NPAS3: variants seen among roughly 807,000 people sequenced by gnomAD.
The protein encoded by NPAS3 is neuronal PAS domain-containing protein 3.
Under a neutral mutation model 73.1 loss-of-function variants are expected in NPAS3, and 14 were observed. That is an observed-to-expected ratio of 0.19 (90% CI 0.13 to 0.30). The LOEUF is 0.30. NPAS3 is among the 10% of genes least tolerant of loss of function. The pLI, the probability that NPAS3 is intolerant of heterozygous loss-of-function variation, is 1.00. For missense variants in NPAS3, 1,096 were observed against 1,250.0 expected, an observed-to-expected ratio of 0.88 and a Z score of 1.86; for synonymous variants, 620 against 541.5, an observed-to-expected ratio of 1.14 and a Z score of -2.01.
chr14:33,232,795 A>G (rs973076167), intron 3 of NPAS3, among the ~76,000 whole-genome samples: 6 of 152,222 alleles, frequency 3.9e-5, no homozygotes, highest in African/African-American at 7.2e-5. Flanking sequence ...GAACAGTAGT[A>G]ACATTTTAAA....
chr14:32,999,318 T>C (rs2038712238), intron 1 of NPAS3, among the ~76,000 whole-genome samples: 1 of 152,156 alleles, frequency 6.6e-6, no homozygotes, highest in Non-Finnish European at 1.5e-5. Flanking sequence ...GAGACCATCC[T>C]GGCTAACACG....
At chr14:33,659,683 A>C (rs1316279614) in intron 5 of NPAS3, among the ~76,000 whole-genome samples, 3 of 152,160 alleles carry the variant, frequency 2.0e-5, no homozygotes, top group Non-Finnish European at 2.9e-5. Context: ...AATTCTACTA[A>C]TAGTTTACTA....
At chr14:33,446,948 A>G (rs1204602255) in intron 4 of NPAS3, among the ~76,000 whole-genome samples, 1 of 152,258 alleles carries the variant, frequency 6.6e-6, no homozygotes, top group East Asian at 1.9e-4. Context: ...GTTTGTATGT[A>G]GCTACCTATT....
At chr14:33,467,271 C>T (rs529647784) in intron 4 of NPAS3, among the ~76,000 whole-genome samples, 2 of 152,262 alleles carry the variant, frequency 1.3e-5, no homozygotes, top group South Asian at 4.2e-4. Context: ...ACACATGTGC[C>T]AGGTCACATA....
intron 5 of NPAS3, among the ~76,000 whole-genome samples, chr14:33,631,915 T>A (rs8022473): frequency 6.6e-6 from 1 of 152,104 alleles, no homozygotes; most frequent in Non-Finnish European, 1.5e-5. Flanking sequence ...AATTGCATCC[T>A]TCATTTGCAT....
At chr14:33,402,592 T>C (rs2047494089) in intron 4 of NPAS3, among the ~76,000 whole-genome samples, 1 of 152,148 alleles carries the variant, frequency 6.6e-6, no homozygotes, top group Admixed American at 6.6e-5. Context: ...CACCAGACTT[T>C]CAGATCAGAA....
At chr14:33,198,467 A>C (rs1289222158) in intron 2 of NPAS3, among the ~76,000 whole-genome samples, 2 of 152,210 alleles carry the variant, frequency 1.3e-5, no homozygotes, top group African/African-American at 4.8e-5. Flanking sequence ...CTGTAGCTAG[A>C]CATAAAAGTT....
At chr14:33,369,978 G>A (rs2046014513) in intron 4 of NPAS3, among the ~76,000 whole-genome samples, 1 of 152,150 alleles carries the variant, frequency 6.6e-6, no homozygotes, top group Admixed American at 6.5e-5. Flanking sequence ...AATGAATTCT[G>A]TCTTCCCTTT....
intron 3 of NPAS3, among the ~76,000 whole-genome samples, chr14:33,305,168 G>A (rs2042707705): frequency 6.6e-6 from 1 of 151,936 alleles, no homozygotes; most frequent in Non-Finnish European, 1.5e-5. Flanking sequence ...TAGAGAGAGA[G>A]AGAGAATTGT....
chr14:33,622,990 A>G (rs766529358), intron 5 of NPAS3, among the ~76,000 whole-genome samples: 1 of 152,120 alleles, frequency 6.6e-6, no homozygotes, highest in Non-Finnish European at 1.5e-5. Context: ...CTACCACTTC[A>G]CACTACTGCA....
At chr14:32,955,560 C>T (rs146682312) in intron 1 of NPAS3, among the ~76,000 whole-genome samples, 6 of 152,204 alleles carry the variant, frequency 3.9e-5, no homozygotes, top group African/African-American at 1.4e-4. Context: ...GGACCATTAA[C>T]CAAAATGATG....
At chr14:33,120,023 G>A (rs1595488998) in intron 2 of NPAS3, among the ~76,000 whole-genome samples, 1 of 144,460 alleles carries the variant, frequency 6.9e-6, no homozygotes, top group Non-Finnish European at 1.5e-5. Flanking sequence ...TTTTTTTTTT[G>A]AGACAGAGCC....
chr14:33,637,505 A>G (rs2058554296), intron 5 of NPAS3, among the ~76,000 whole-genome samples: 1 of 152,182 alleles, frequency 6.6e-6, no homozygotes, highest in African/African-American at 2.4e-5. Flanking sequence ...TCATCAAGGA[A>G]AAAATAGATT....
At chr14:33,508,333 G>T (rs1419308879) in intron 4 of NPAS3, among the ~76,000 whole-genome samples, 1 of 152,016 alleles carries the variant, frequency 6.6e-6, no homozygotes, top group Non-Finnish European at 1.5e-5. Flanking sequence ...CCAAATGCCT[G>T]AAGAGGTGAA....
At chr14:32,960,376 A>C (rs924226928) in intron 1 of NPAS3, among the ~76,000 whole-genome samples, 2 of 152,158 alleles carry the variant, frequency 1.3e-5, no homozygotes. Context: ...GTAAAAATAA[A>C]ATCAGATTTT....
chr14:33,386,059 T>A (rs1418200168), intron 4 of NPAS3, among the ~76,000 whole-genome samples: 3 of 136,560 alleles, frequency 2.2e-5, no homozygotes, highest in African/African-American at 6.1e-5. Context: ...TGAACACATC[T>A]GTAATTGAGA....
At chr14:33,216,377 G>A (rs999250573) in intron 3 of NPAS3, among the ~76,000 whole-genome samples, 4 of 152,130 alleles carry the variant, frequency 2.6e-5, no homozygotes, top group Non-Finnish European at 4.4e-5. Context: ...GGTACTAGTC[G>A]GGAGCTGTAA....
chr14:33,671,912 T>C (rs571105693), intron 5 of NPAS3, among the ~76,000 whole-genome samples: 8 of 152,006 alleles, frequency 5.3e-5, no homozygotes, highest in African/African-American at 1.9e-4. Flanking sequence ...AACACATTAT[T>C]GGAGGGGGGA....
chr14:33,187,119 C>T (rs1044213427), intron 2 of NPAS3, among the ~76,000 whole-genome samples: 1 of 152,184 alleles, frequency 6.6e-6, no homozygotes, highest in African/African-American at 2.4e-5. Context: ...GCAAATCCAC[C>T]TTCTGTGCCC....
Sources: allele counts gnomAD v4.1 joint callset (sites outside exome capture counted in the v4.1 genomes callset), GRCh38; gene constraint gnomAD v4.1.1; transcripts MANE v1.5; gene names NCBI Gene and HGNC (gene_info 2026-07-23, HGNC 2026-07-21).